The following RELN variants were observed in gnomAD, a reference collection of about 807,000 sequenced individuals.
RELN encodes the protein reelin.
RELN carries 108 observed loss-of-function variants against 427.6 expected under a neutral mutation model. The observed-to-expected ratio is 0.25, with a 90% CI of 0.22 to 0.30. The LOEUF (loss-of-function observed/expected upper bound fraction) is 0.30. Among genes scored for constraint, RELN ranks in the 10% least tolerant of loss-of-function variants. The pLI, the probability that RELN is intolerant of heterozygous loss-of-function variation, is 1.00. For synonymous variants in RELN, 1,524 were observed against 1,513.4 expected (o/e 1.01, Z -0.16); for missense variants, 3,715 against 4,302.8 (o/e 0.86, Z 3.82).
intron 2 of RELN, among the ~76,000 whole-genome samples, chr7:103,854,551 G>A (rs1327572315): frequency 1.3e-5 from 2 of 152,150 alleles, no homozygotes; most frequent in Non-Finnish European, 2.9e-5. Context: ...GGTCAGGGAT[G>A]AATTAAGGGA....
chr7:103,989,121 C>T lies in RELN; in HGVS notation c.226+10G>A. On this transcript the variant is annotated intron_variant, in intron 1 of 64. Coordinates refer to ENST00000428762, the MANE Select transcript of RELN (RefSeq NM_005045.4). This position sits in a 1 kb window ranked among gnomAD's most constrained non-coding sequence, Gnocchi z 4.9. ...GGCGGCGGCGAGCGCGGAGGTGCTG[C>T]GGTACCTACCATGGTATTCTTGTCC... The T allele has an allele frequency of 6.2e-7, 1 of 1,612,384 alleles. No homozygotes were observed. Among genetic ancestry groups the T allele is most frequent in the Non-Finnish European group, 8.5e-7 (1 of 1,178,972 alleles).
At position 103,572,244 on chromosome 7, in the gene RELN, T is replaced by A; in HGVS notation, c.4528A>T (p.Ile1510Leu). The change falls in exon 31 of 65, where the codon ATA becomes TTA. Residue 1510 changes from isoleucine to leucine, a missense_variant. This residue lies in a region of RELN where 2,208 missense variants were observed against 2,361.7 expected (regional missense o/e 0.93). Transcript: ENST00000428762. ...TRNIRLVQFYIQIGSKTSGIT... is the reference protein window; with the variant it reads ...TRNIRLVQFYLQIGSKTSGIT... ...CCTGAAGTTTTGCTTCCAATTTGTATATAAAATTGAACAAGTCTGGGGAAT... is the reference window on the plus strand; with the variant it reads ...CCTGAAGTTTTGCTTCCAATTTGTAAATAAAATTGAACAAGTCTGGGGAAT... The A allele has an allele frequency of 6.3e-7, 1 of 1,576,898 alleles. No individual in the cohort carries two copies. The highest frequency in any genetic ancestry group is 8.7e-7 in the Non-Finnish European group (1 of 1,146,150).
intron 46 of RELN, among the ~76,000 whole-genome samples, chr7:103,524,603 A>T (rs1829783335): frequency 6.6e-6 from 1 of 152,246 alleles, no homozygotes; most frequent in Non-Finnish European, 1.5e-5. Flanking sequence ...GTGTTTATTG[A>T]TCCATATATG....
chr7:103,720,599 T>C (rs1790051704), intron 8 of RELN, among the ~76,000 whole-genome samples: 1 of 152,166 alleles, frequency 6.6e-6, no homozygotes, highest in Non-Finnish European at 1.5e-5. Context: ...GAAATGTAAA[T>C]GTTGAATTGT....
At chr7:103,890,744 C>G (rs577647557) in intron 2 of RELN, among the ~76,000 whole-genome samples, 1 of 152,266 alleles carries the variant, frequency 6.6e-6, no homozygotes, top group Admixed American at 6.5e-5. Flanking sequence ...AGAGTCCTGT[C>G]CTGTCTCTGA....
At chr7:103,695,187 G>A (rs1041997788) in intron 10 of RELN, among the ~76,000 whole-genome samples, 9 of 152,086 alleles carry the variant, frequency 5.9e-5, no homozygotes, top group Non-Finnish European at 4.4e-5. Flanking sequence ...TTTATTTCTA[G>A]AATTCCAAAT....
Position 103,523,304 on chromosome 7 carries a change from G to C in RELN, c.7490+87C>G, listed in dbSNP as rs1357438830. ...ATGTATAACTTAAGGAAGCATGGGA[G>C]TGATTCAAAAACCAGTTACAGAAAA... On this transcript the variant is annotated intron_variant, in intron 47 of 64. Coordinates refer to ENST00000428762, the MANE Select transcript of RELN (RefSeq NM_005045.4). 8 of 1,461,092 alleles carry C rather than the reference G, an allele frequency of 5.5e-6. 1 individual carries two copies. In the Middle Eastern group the frequency reaches 6.9e-4, roughly 126 times the overall value. The allele number at this position is 1,461,092 out of a possible 1,614,324, so 90.5% of individuals were successfully genotyped here.
At chr7:103,631,282 ACTTCTT>A (rs1832459177) in intron 19 of RELN, among the ~76,000 whole-genome samples, 1 of 101,406 alleles carries the variant, frequency 9.9e-6, no homozygotes, top group Non-Finnish European at 2.0e-5. Flanking sequence ...CTTTAAAAAC[ACTTCTT>A]TTTTTTTTTT....
chr7:103,936,295 G>A (rs1795983089), intron 1 of RELN, among the ~76,000 whole-genome samples: 1 of 152,050 alleles, frequency 6.6e-6, no homozygotes, highest in Non-Finnish European at 1.5e-5. Context: ...GTTTCAACAT[G>A]TTGGCCAGGC....
chr7:103,490,908 A>T (rs1828628175), intron 58 of RELN, 79 bp from the exon 59 acceptor site: 1 of 1,408,582 alleles, frequency 7.1e-7, no homozygotes, highest in Non-Finnish European at 9.9e-7. Context: ...ATGCTTTGTG[A>T]TCGGGTTAAA....
chr7:103,517,132 T>C (rs1446256841), intron 49 of RELN, among the ~76,000 whole-genome samples: 2 of 151,946 alleles, frequency 1.3e-5, no homozygotes, highest in Admixed American at 6.6e-5. Context: ...CGAAGTCTAT[T>C]TCCTCATTTA....
chr7:103,506,893 T>C (rs1175904539), intron 51 of RELN, among the ~76,000 whole-genome samples: 1 of 152,150 alleles, frequency 6.6e-6, no homozygotes, highest in Non-Finnish European at 1.5e-5. Context: ...TCCTAGTCTC[T>C]GATAAAACAG....
intron 28 of RELN, among the ~76,000 whole-genome samples, chr7:103,586,271 G>T (rs1440460820): frequency 2.0e-5 from 3 of 152,130 alleles, no homozygotes; most frequent in Non-Finnish European, 4.4e-5. Context: ...GCTGAGGCAG[G>T]AGAATTGCTT....
intron 1 of RELN, among the ~76,000 whole-genome samples, chr7:103,945,604 AG>A (rs1254677784): frequency 6.6e-6 from 1 of 152,090 alleles, no homozygotes; most frequent in East Asian, 1.9e-4. Flanking sequence ...CCCCGTAACC[AG>A]GTTACAAACT....
rs1796380067 is a variant in RELN at position 103,953,844 on chromosome 7, A to G, written c.226+35287T>C. 6.6e-6 allele frequency among the ~76,000 whole-genome samples: 1 copy of G among 152,142 alleles called. No homozygotes were observed. The highest frequency in any genetic ancestry group is 1.5e-5 in the Non-Finnish European group (1 of 68,028). ...CTACTCGGGAGACTGAGGCAGGAGA[A>G]TCCCCTCAACCCAGGAGGCAGAGGC... On this transcript the variant is annotated intron_variant, in intron 1 of 64. Coordinates refer to ENST00000428762, the MANE Select transcript of RELN (RefSeq NM_005045.4). The surrounding 1 kb of genome is among the most constrained non-coding windows in gnomAD (Gnocchi z 4.3).
At chr7:103,691,961 AG>A (rs1321097955) in intron 10 of RELN, among the ~76,000 whole-genome samples, 2 of 152,160 alleles carry the variant, frequency 1.3e-5, no homozygotes, top group Admixed American at 6.6e-5. Flanking sequence ...GTTATAGGCA[AG>A]GACACTGAGA....
intron 34 of RELN, among the ~76,000 whole-genome samples, chr7:103,564,672 T>C (rs1327671897): frequency 6.6e-6 from 1 of 151,470 alleles, no homozygotes; most frequent in Non-Finnish European, 1.5e-5. Context: ...AGCACAGGAA[T>C]GGAGAGGCAA....
At chr7:103,551,541 G>T (rs1189369559) in intron 40 of RELN, among the ~76,000 whole-genome samples, 3 of 152,100 alleles carry the variant, frequency 2.0e-5, no homozygotes, top group African/African-American at 7.2e-5. Context: ...TAAAAAGCAG[G>T]AAGTGGGTAA....
At chr7:103,673,277 G>A (rs1003719954) in intron 11 of RELN, among the ~76,000 whole-genome samples, 2 of 151,690 alleles carry the variant, frequency 1.3e-5, no homozygotes, top group Admixed American at 1.3e-4. Context: ...ACCTCTATCT[G>A]GCTTATCTAT....
Sources: gnomAD v4.1 joint callset for allele counts (sites outside exome capture counted in the v4.1 genomes callset) on GRCh38, gnomAD v4.1.1 for gene constraint, gnomAD v4.1.1 regional missense constraint, Gnocchi (gnomAD v3.1) non-coding constraint, MANE v1.5 for transcripts, NCBI Gene and HGNC (gene_info 2026-07-23, HGNC 2026-07-21) for gene names.